The following HSD17B12 variants were observed in gnomAD, a reference collection of about 807,000 sequenced individuals.
HSD17B12 encodes hydroxysteroid 17-beta dehydrogenase 12.
A neutral mutation model predicts 39.3 loss-of-function variants in HSD17B12; 32 were observed. The observed-to-expected ratio is 0.81, with a 90% CI of 0.61 to 1.09. The LOEUF is 1.09. Ranked by LOEUF, HSD17B12 falls within the 50% of genes least tolerant of loss-of-function variation. HSD17B12 has a pLI of 0.00. For synonymous variants in HSD17B12, 150 were observed against 146.7 expected, an observed-to-expected ratio of 1.02 and a Z score of -0.16; for missense variants, 342 against 382.9, an observed-to-expected ratio of 0.89 and a Z score of 0.89.
chr11:43,779,139 G>C (rs6485460), intron 3 of HSD17B12, among the ~76,000 whole-genome samples: 1 of 151,996 alleles, frequency 6.6e-6, no homozygotes, highest in Admixed American at 6.6e-5. Context: ...TCATGAGATA[G>C]AATTTATCTT....
intron 7 of HSD17B12, chr11:43,833,796 C>G (rs561231580): frequency 1.3e-5 from 2 of 152,196 alleles, no homozygotes; most frequent in Non-Finnish European, 2.9e-5. Context: ...TTTCCAAACC[C>G]TCTAGAACTA....
chr11:43,558,605 C>T, the HSD17B12 span, among the ~76,000 whole-genome samples: 18 of 152,016 alleles, frequency 1.2e-4, no homozygotes, highest in Non-Finnish European at 2.6e-4. Context: ...CTTAAATATC[C>T]GTGTGGGGGC....
At chr11:43,665,755 A>G in the HSD17B12 span, among the ~76,000 whole-genome samples, 9 of 152,184 alleles carry the variant, frequency 5.9e-5, no homozygotes, top group Non-Finnish European at 1.0e-4. Context: ...TTTGCTCTAC[A>G]CACGCACACA....
intron 1 of HSD17B12, chr11:43,734,343 C>G: frequency 1.0e-6 from 1 of 993,750 alleles, no homozygotes; most frequent in Non-Finnish European, 1.6e-6. Context: ...AGGGCCAGAT[C>G]TGTGGTGGAA....
At chr11:43,802,811 T>C (rs572506190) in intron 4 of HSD17B12, among the ~76,000 whole-genome samples, 4 of 152,312 alleles carry the variant, frequency 2.6e-5, no homozygotes, top group South Asian at 2.1e-4. Context: ...AGTGCTGAGG[T>C]TGATAAACCC....
chr11:43,717,089 G>A (rs1450575415), intron 1 of HSD17B12, among the ~76,000 whole-genome samples: 1 of 152,022 alleles, frequency 6.6e-6, no homozygotes, highest in Admixed American at 6.6e-5. Context: ...ACGATTTCAA[G>A]GAGAAAGTTA....
chr11:43,750,730 C>G (rs528241879), intron 1 of HSD17B12, among the ~76,000 whole-genome samples, 181 bp from the exon 2 acceptor site: 6 of 152,090 alleles, frequency 3.9e-5, no homozygotes, highest in Admixed American at 6.6e-5. Flanking sequence ...GTTTTGAAGT[C>G]TTTTTAAAAT....
chr11:43,789,855 C>T (rs1417564920), intron 3 of HSD17B12, among the ~76,000 whole-genome samples: 30 of 152,086 alleles, frequency 2.0e-4, no homozygotes, highest in Admixed American at 2.0e-3. Flanking sequence ...TCTCTTGAAC[C>T]CAGAAGGTCC....
chr11:43,855,393 A>G lies in HSD17B12; in HGVS notation c.*145A>G, dbSNP rs781645581. On this transcript the variant is annotated 3_prime_UTR_variant, in exon 11 of 11. Transcript: ENST00000278353. ...ATATTATCTTAATTAAGAGGAAAAT[A>G]GAAGTTGCTTTTAGGGGTTTCTGAC... is the stretch of plus-strand genomic sequence containing the variant. 77 of 480,432 alleles carry G rather than the reference A, an allele frequency of 1.6e-4. No individual in the cohort carries two copies. The highest frequency in any genetic ancestry group is 5.4e-4 in the Middle Eastern group (1 of 1,846). The allele number at this position is 480,432 out of a possible 1,614,324, so 29.8% of individuals were successfully genotyped here.
chr11:43,714,398 T>C (rs1167244861), intron 1 of HSD17B12, among the ~76,000 whole-genome samples: 4 of 152,248 alleles, frequency 2.6e-5, no homozygotes, highest in African/African-American at 9.6e-5. Context: ...CCCCATTTCT[T>C]GATTTTGTCA....
intron 8 of HSD17B12, among the ~76,000 whole-genome samples, chr11:43,839,097 A>G (rs1048569021): frequency 6.6e-6 from 1 of 152,166 alleles, no homozygotes; most frequent in Non-Finnish European, 1.5e-5. Context: ...AGGGAAAATG[A>G]TCACTTAGAT....
At chr11:43,564,902 T>C in the HSD17B12 span, among the ~76,000 whole-genome samples, 2 of 65,390 alleles carry the variant, frequency 3.1e-5, no homozygotes, top group Non-Finnish European at 8.7e-5. Context: ...CTTCTTCTTT[T>C]TTTTTTTTTT....
At chr11:43,778,161 C>T (rs1290351303) in intron 3 of HSD17B12, among the ~76,000 whole-genome samples, 28 of 151,980 alleles carry the variant, frequency 1.8e-4, no homozygotes, top group Non-Finnish European at 2.9e-4. Flanking sequence ...ATATCACCAC[C>T]GATCCCACAG....
chr11:43,562,351 G>A, the HSD17B12 span, among the ~76,000 whole-genome samples: 2 of 152,234 alleles, frequency 1.3e-5, no homozygotes, highest in South Asian at 4.1e-4. Context: ...AGCCAAGAAG[G>A]CGTGCATTCA....
chr11:43,617,405 G>A, the HSD17B12 span, among the ~76,000 whole-genome samples: 3 of 151,328 alleles, frequency 2.0e-5, no homozygotes, highest in Non-Finnish European at 1.5e-5. Flanking sequence ...GGGTGGATAC[G>A]GATCCACACT....
rs190489166 is a variant in HSD17B12, at chr11:43,796,332, T to G, written c.284-1988T>G. On this transcript the variant is annotated intron_variant, in intron 3 of 10. Transcript: ENST00000278353. ...TACTAAGGAGGCTTAAGCCCAGGCT[T>G]GAGACCCCATCTCTTAAAAGAAAAA... 2.7e-3 allele frequency among the ~76,000 whole-genome samples: 413 copies of G among 151,950 alleles called. 3 individuals carry two copies. The highest frequency in any genetic ancestry group is 9.6e-3 in the African/African-American group (396 of 41,426).
the HSD17B12 span, among the ~76,000 whole-genome samples, chr11:43,619,566 AT>A: frequency 6.6e-6 from 1 of 150,996 alleles, no homozygotes; most frequent in African/African-American, 2.4e-5. Context: ...ATTTTTTTGT[AT>A]TTTTAGTAGA....
At chr11:43,700,310 A>G (rs1949952233) in intron 1 of HSD17B12, among the ~76,000 whole-genome samples, 3 of 152,204 alleles carry the variant, frequency 2.0e-5, no homozygotes, top group Admixed American at 6.5e-5. Flanking sequence ...AAATAATCAC[A>G]TCATGAAGAA....
chr11:43,618,894 A>G, the HSD17B12 span, among the ~76,000 whole-genome samples: 1 of 151,880 alleles, frequency 6.6e-6, no homozygotes, highest in East Asian at 1.9e-4. Flanking sequence ...CCACAGTTTT[A>G]TTGTCTTTGA....
Sources: allele counts gnomAD v4.1 joint callset (sites outside exome capture counted in the v4.1 genomes callset), GRCh38; gene constraint gnomAD v4.1.1; transcripts MANE v1.5; gene names NCBI Gene and HGNC (gene_info 2026-07-23, HGNC 2026-07-21).